The following MYPN variants were observed in gnomAD, a reference collection of about 807,000 sequenced individuals.
The protein encoded by MYPN is myopalladin, also known as sarcomeric protein myopalladin, 145 kDa (MYOP).
In MYPN, 63 loss-of-function variants were observed where a neutral mutation model predicts 129.4. That is an observed-to-expected ratio of 0.49 (90% confidence interval 0.40 to 0.60). The LOEUF (loss-of-function observed/expected upper bound fraction) is 0.60, where lower values mean the gene tolerates loss of function less well. Ranked by LOEUF, MYPN falls within the 20% of genes least tolerant of loss-of-function variation. The pLI is 0.00. For synonymous variants in MYPN, 629 were observed against 600.9 expected (o/e 1.05, Z -0.68); for missense variants, 1,596 against 1,635.4 (o/e 0.98, Z 0.42).
Position 68,143,117 on chromosome 10 carries a change from T to C in MYPN, c.1078+2T>C. On this transcript the variant is annotated splice_donor_variant, in intron 3 of 19. Transcript: ENST00000358913. LOFTEE classifies it high-confidence loss of function. Reference sequence around the variant, plus strand: ...CTTCTGCTGAGATTTATATAGAAGGTAAAACAAAATGCTCTTGGAGTATGA... The same window carrying C: ...CTTCTGCTGAGATTTATATAGAAGGCAAAACAAAATGCTCTTGGAGTATGA... 4 of 1,613,542 alleles carry C rather than the reference T, an allele frequency of 2.5e-6. No individual in the cohort carries two copies. Among genetic ancestry groups the C allele is most frequent in the Non-Finnish European group, 3.4e-6 (4 of 1,179,654 alleles).
At chr10:68,207,020 G>A (rs1165227324) in intron 19 of MYPN, 117 bp downstream of exon 19, 1 of 1,273,542 alleles carries the variant, frequency 7.9e-7, no homozygotes, top group Non-Finnish European at 1.1e-6. Flanking sequence ...CACTTTGGGA[G>A]GCCGAGGCAG....
chr10:68,150,162 C>T, intron 6 of MYPN, 51 bp downstream of exon 6: 1 of 1,428,790 alleles, frequency 7.0e-7, no homozygotes, highest in Non-Finnish European at 9.9e-7. Context: ...TACCACAGCA[C>T]CCAAAGTTAT....
chr10:68,138,112 T>TC (rs1034717372), intron 2 of MYPN, among the ~76,000 whole-genome samples: 9 of 147,034 alleles, frequency 6.1e-5, no homozygotes, highest in African/African-American at 2.0e-4. Flanking sequence ...TTTTTCTTCT[T>TC]TTTTTTTTTT....
chr10:68,166,542 G>A lies in MYPN; in HGVS notation c.1849G>A (p.Val617Met). ...AAGTGAAGCATCCTCCGAGGCTGGT[G>A]TGGTGACCACCAGACAGACCAGGCC... ...KGSEASSEAG[V>M]VTTRQTRPDS... The change falls in exon 10 of 20, where the codon GTG becomes ATG. Residue 617 changes from valine to methionine, a missense_variant. Transcript: ENST00000358913. 6.2e-7 allele frequency: 1 copy of A among 1,614,162 alleles called. No homozygotes were observed. Among genetic ancestry groups the A allele is most frequent in the Non-Finnish European group, 8.5e-7 (1 of 1,180,026 alleles).
intron 8 of MYPN, 93 bp downstream of exon 8, chr10:68,161,845 T>C: frequency 1.9e-6 from 2 of 1,055,736 alleles, no homozygotes; most frequent in Admixed American, 2.2e-5. Context: ...GAATAAAAAG[T>C]GAAAAATAAA....
chr10:68,185,322 T>C (rs1414572621), intron 12 of MYPN, among the ~76,000 whole-genome samples: 1 of 151,960 alleles, frequency 6.6e-6, no homozygotes, highest in African/African-American at 2.4e-5. Flanking sequence ...TTCTGAAAAA[T>C]GAACAGAAAA....
Position 68,121,628 on chromosome 10 carries a change from T to C in MYPN, c.190T>C (p.Ser64Pro). The change falls in exon 2 of 20, where the codon TCA becomes CCA. Residue 64 changes from serine (S) to proline (P), a missense_variant. Transcript: ENST00000358913. The part of the protein sequence containing the change: ...GGGQDDLPDL[S>P]AFLSQEELDE... ...AGGCCAAGATGACCTTCCAGATCTT[T>C]CAGCCTTTCTGAGCCAAGAAGAATT... 6.2e-7 allele frequency: 1 copy of C among 1,614,268 alleles called. No homozygotes were observed. Among genetic ancestry groups the C allele is most frequent in the Non-Finnish European group, 8.5e-7 (1 of 1,180,044 alleles).
rs61854624 is a variant in MYPN at position 68,166,562 on chromosome 10, C to A, written c.1869C>A (p.Thr623=). Residue 623 remains threonine (T), a synonymous_variant, in exon 10 of 20, where the codon ACC becomes ACA. Transcript: ENST00000358913. ...SEAGVVTTRQ[T]RPDSFQERFN... ...CTGGTGTGGTGACCACCAGACAGAC[C>A]AGGCCCGATTCTTTCCAGGAGAGGT... 0.16 allele frequency: 254,624 copies of A among 1,613,976 alleles called. 21,862 individuals are homozygous for A. Among genetic ancestry groups the A allele is most frequent in the Admixed American group, 0.22 (13,406 of 59,994 alleles).
intron 6 of MYPN, among the ~76,000 whole-genome samples, chr10:68,155,165 A>G (rs527698239): frequency 5.8e-4 from 89 of 152,330 alleles, no homozygotes; most frequent in Non-Finnish European, 9.8e-4. Flanking sequence ...TGGGTGACAG[A>G]GCAAGACTCC....
upstream of MYPN, chr10:68,106,801 T>C (rs1042610233): frequency 1.4e-6 from 1 of 717,250 alleles, no homozygotes; most frequent in Non-Finnish European, 2.6e-6. Flanking sequence ...ATCATCCCAA[T>C]GTGAGTAAAT....
intron 6 of MYPN, among the ~76,000 whole-genome samples, chr10:68,157,673 A>C (rs1036379015): frequency 1.1e-3 from 33 of 31,212 alleles, no homozygotes; most frequent in African/African-American, 1.8e-3. Flanking sequence ...GTCTCTACAA[A>C]AAAAAAAAAA....
At chr10:68,093,466 T>TG (rs1411503692) in intron 1 of MYPN, among the ~76,000 whole-genome samples, 3 of 150,370 alleles carry the variant, frequency 2.0e-5, no homozygotes, top group Admixed American at 1.3e-4. Flanking sequence ...AGGCCGAGCG[T>TG]GGTGGCTCAT....
chr10:68,155,950 G>T (rs2042865666), intron 6 of MYPN, among the ~76,000 whole-genome samples: 3 of 152,136 alleles, frequency 2.0e-5, no homozygotes, highest in Admixed American at 2.0e-4. Context: ...CACAAGTCTT[G>T]CCCTTTGATG....
intron 6 of MYPN, among the ~76,000 whole-genome samples, chr10:68,156,604 A>G (rs10997956): frequency 0.053 from 8,119 of 152,268 alleles, 262 homozygotes; most frequent in Middle Eastern, 0.065. Flanking sequence ...AACATCCCTG[A>G]GGTGAAAGTC....
intron 12 of MYPN, among the ~76,000 whole-genome samples, chr10:68,180,394 C>T (rs2043296261): frequency 6.6e-6 from 1 of 152,154 alleles, no homozygotes; most frequent in African/African-American, 2.4e-5. Context: ...CCATTTTGCC[C>T]AGGCTGGTCT....
At position 68,166,836 on chromosome 10, in the gene MYPN, C is replaced by T. The variant is rs10997967; in HGVS notation, c.1973+170C>T. ...TTGAGCCCAGGAATTCGAGACCAGCCGGGGAAAAATAGTGAGACCTCTGTC... is the reference window on the plus strand; with the variant it reads ...TTGAGCCCAGGAATTCGAGACCAGCTGGGGAAAAATAGTGAGACCTCTGTC... On this transcript the variant is annotated intron_variant, in intron 10 of 19. Coordinates refer to ENST00000358913, the MANE Select transcript of MYPN (RefSeq NM_032578.4). Among the ~76,000 whole-genome samples the T allele has an allele frequency of 0.05, 7,523 of 151,842 alleles. 223 individuals carry two copies. The highest frequency in any genetic ancestry group is 0.065 in the Middle Eastern group (19 of 294).
At chr10:68,186,955 A>G (rs1269966274) in intron 12 of MYPN, among the ~76,000 whole-genome samples, 1 of 152,154 alleles carries the variant, frequency 6.6e-6, no homozygotes, top group Admixed American at 6.6e-5. Context: ...AGAGGGAGTA[A>G]GAGGAATCCA....
intron 2 of MYPN, among the ~76,000 whole-genome samples, chr10:68,142,495 C>T (rs549981198): frequency 1.1e-3 from 170 of 152,298 alleles, no homozygotes; most frequent in African/African-American, 3.6e-3. Flanking sequence ...AATTAATTTT[C>T]ATTTAGTTAG....
chr10:68,170,557 T>C (rs1279672106), intron 10 of MYPN, among the ~76,000 whole-genome samples: 2 of 152,158 alleles, frequency 1.3e-5, no homozygotes, highest in African/African-American at 4.8e-5. Context: ...AAGGATACAA[T>C]TTTCTGCTTG....
Sources: allele counts gnomAD v4.1 joint callset (sites outside exome capture counted in the v4.1 genomes callset), GRCh38; gene constraint gnomAD v4.1.1; transcripts MANE v1.5; gene names NCBI Gene and HGNC (gene_info 2026-07-23, HGNC 2026-07-21).